Variants in DTNBP1 observed in about 807,000 individuals in gnomAD.
DTNBP1 encodes dystrobrevin binding protein 1, also known as dysbindin.
Under a neutral mutation model 42.8 loss-of-function variants are expected in DTNBP1, and 35 were observed. That is an observed-to-expected ratio of 0.82 (90% CI 0.63 to 1.09). The LOEUF is 1.09. Ranked by LOEUF, DTNBP1 falls within the 50% of genes least tolerant of loss-of-function variation. The pLI is 0.00. For missense variants in DTNBP1, 457 were observed against 424.2 expected, an observed-to-expected ratio of 1.08 and a Z score of -0.68; for synonymous variants, 171 against 162.2, an observed-to-expected ratio of 1.05 and a Z score of -0.41.
intron 1 of DTNBP1, among the ~76,000 whole-genome samples, chr6:15,660,970 G>A (rs1379350410): frequency 2.0e-5 from 3 of 152,072 alleles, no homozygotes; most frequent in African/African-American, 7.2e-5. Context: ...CTGAAAAGAA[G>A]GTACTTTTAC....
At chr6:15,562,006 C>G (rs1774866399) in intron 7 of DTNBP1, among the ~76,000 whole-genome samples, 1 of 152,218 alleles carries the variant, frequency 6.6e-6, no homozygotes. Flanking sequence ...TCTGTATGGT[C>G]TGGAAAAGGG....
In DTNBP1 at chr6:15,541,743, G is replaced by A. The variant is rs542562595; in HGVS notation, c.512-8348C>T. On this transcript the variant is annotated intron_variant, in intron 7 of 9. Coordinates refer to ENST00000344537, the MANE Select transcript of DTNBP1 (RefSeq NM_032122.5). The stretch of plus-strand genomic sequence containing the variant: ...AAAAAATTCCATTACCAGTGAAGAC[G>A]GAATAATCAATTCTCAATTATACGT... Among the ~76,000 whole-genome samples, 66 of 152,026 alleles carry A rather than the reference G, an allele frequency of 4.3e-4. 2 individuals are homozygous for A. The highest frequency in any genetic ancestry group is 3.4e-3 in the Middle Eastern group (1 of 292).
intron 6 of DTNBP1, among the ~76,000 whole-genome samples, chr6:15,601,896 A>T (rs1182659900): frequency 6.6e-6 from 1 of 151,858 alleles, no homozygotes; most frequent in Non-Finnish European, 1.5e-5. Flanking sequence ...AACAGAACAT[A>T]ACATGAAACT....
intron 7 of DTNBP1, among the ~76,000 whole-genome samples, chr6:15,581,078 C>T (rs564159093): frequency 1.3e-5 from 2 of 152,336 alleles, no homozygotes; most frequent in South Asian, 2.1e-4. Flanking sequence ...TGCTCATAAA[C>T]GGACTCTACA....
At chr6:15,585,744 G>A (rs1404783918) in intron 7 of DTNBP1, 12 of 1,535,218 alleles carry the variant, frequency 7.8e-6, no homozygotes, top group South Asian at 2.4e-5. Flanking sequence ...TATTTTCGGT[G>A]AGTCCTGGAG....
In DTNBP1 at chr6:15,578,583, T is replaced by C. The variant is rs1391071533; in HGVS notation, c.511+14476A>G. 2.0e-5 allele frequency among the ~76,000 whole-genome samples: 3 copies of C among 152,168 alleles called. No homozygotes were observed. The East Asian group carries it at 5.8e-4, about 29-fold the overall frequency. On this transcript the variant is annotated intron_variant, in intron 7 of 9. Coordinates refer to ENST00000344537, the MANE Select transcript of DTNBP1 (RefSeq NM_032122.5). ...GCATAGTACTAAAAAAATTAATGACTTATATGGCAAAATATTGAGTGGTCA... is the reference window on the plus strand; with the variant it reads ...GCATAGTACTAAAAAAATTAATGACCTATATGGCAAAATATTGAGTGGTCA...
chr6:15,594,397 A>G (rs1388764716), intron 6 of DTNBP1, among the ~76,000 whole-genome samples: 2 of 151,826 alleles, frequency 1.3e-5, no homozygotes, highest in African/African-American at 2.4e-5. Flanking sequence ...CCCAGGAAGC[A>G]CAGTTAGCAA....
At chr6:15,631,391 T>C (rs1759685844) in intron 4 of DTNBP1, among the ~76,000 whole-genome samples, 1 of 152,194 alleles carries the variant, frequency 6.6e-6, no homozygotes, top group Non-Finnish European at 1.5e-5. Context: ...AAATTCTTTC[T>C]CCTGTATATA....
At chr6:15,567,715 C>A (rs533740205) in intron 7 of DTNBP1, among the ~76,000 whole-genome samples, 3 of 152,196 alleles carry the variant, frequency 2.0e-5, no homozygotes, top group East Asian at 1.9e-4. Context: ...TGTAAGCCAA[C>A]CACTTTGGGC....
At chr6:15,610,266 T>C (rs902394810) in intron 6 of DTNBP1, among the ~76,000 whole-genome samples, 3 of 152,204 alleles carry the variant, frequency 2.0e-5, no homozygotes, top group Non-Finnish European at 4.4e-5. Flanking sequence ...TCTAGAATTC[T>C]GTGGTACACA....
At chr6:15,634,634 G>A (rs915775685) in intron 4 of DTNBP1, among the ~76,000 whole-genome samples, 2 of 151,940 alleles carry the variant, frequency 1.3e-5, no homozygotes, top group Admixed American at 1.3e-4. Flanking sequence ...TATTTTTTTT[G>A]TATGTGGTTA....
intron 8 of DTNBP1, 57 bp from the exon 9 acceptor site, chr6:15,524,726 T>A: frequency 6.3e-7 from 1 of 1,596,788 alleles, no homozygotes; most frequent in Non-Finnish European, 8.5e-7. Flanking sequence ...CTTTAAAAGG[T>A]GAACTTCCAT....
intron 7 of DTNBP1, among the ~76,000 whole-genome samples, chr6:15,579,501 A>C (rs1469112693): frequency 6.6e-6 from 1 of 152,186 alleles, no homozygotes; most frequent in Non-Finnish European, 1.5e-5. Context: ...GTATATTTTC[A>C]AATAGCTATA....
At chr6:15,647,035 G>A (rs985046558) in intron 3 of DTNBP1, among the ~76,000 whole-genome samples, 31 of 151,926 alleles carry the variant, frequency 2.0e-4, no homozygotes, top group African/African-American at 5.5e-4. Context: ...GAGCTTCTGC[G>A]TAGCAAAAGA....
intron 5 of DTNBP1, among the ~76,000 whole-genome samples, chr6:15,623,373 T>A (rs1170140708): frequency 6.6e-6 from 1 of 152,198 alleles, no homozygotes; most frequent in African/African-American, 2.4e-5. Flanking sequence ...TATCTAAGAA[T>A]TCTTATCTAA....
At chr6:15,563,527 C>T (rs1774934088) in intron 7 of DTNBP1, among the ~76,000 whole-genome samples, 1 of 152,168 alleles carries the variant, frequency 6.6e-6, no homozygotes, top group Non-Finnish European at 1.5e-5. Flanking sequence ...TCTGTATACC[C>T]ATTGTTCCTA....
Position 15,642,179 on chromosome 6 carries a change from T to C in DTNBP1, c.162-4375A>G, listed in dbSNP as rs183351369. On this transcript the variant is annotated intron_variant, in intron 3 of 9. Transcript: ENST00000344537. Reference sequence around the variant, plus strand: ...CAGCAAGGGAAGACAAGTTGCAGAGTTGTCTGCTCCCATCTGGAGGAAGAG... The same window carrying C: ...CAGCAAGGGAAGACAAGTTGCAGAGCTGTCTGCTCCCATCTGGAGGAAGAG... Among the ~76,000 whole-genome samples the C allele has an allele frequency of 7.9e-5, 12 of 152,142 alleles. No homozygotes were observed. In the East Asian group the frequency reaches 1.9e-3, roughly 25 times the overall value.
chr6:15,599,435 T>C (rs1479285803), intron 6 of DTNBP1, among the ~76,000 whole-genome samples: 1 of 152,212 alleles, frequency 6.6e-6, no homozygotes, highest in African/African-American at 2.4e-5. Context: ...ACTCTGCATG[T>C]GTATCATCTT....
At chr6:15,620,365 T>TA (rs1362945190) in intron 5 of DTNBP1, among the ~76,000 whole-genome samples, 56 of 152,146 alleles carry the variant, frequency 3.7e-4, no homozygotes, top group Non-Finnish European at 6.2e-4. Flanking sequence ...TATATATATA[T>TA]TTTTTTGTAG....
Sources: allele counts gnomAD v4.1 joint callset (sites outside exome capture counted in the v4.1 genomes callset), GRCh38; gene constraint gnomAD v4.1.1; transcripts MANE v1.5; gene names NCBI Gene and HGNC (gene_info 2026-07-23, HGNC 2026-07-21).